The following ROCK1 variants were observed in gnomAD, a reference collection of about 807,000 sequenced individuals.
ROCK1 encodes rho-associated protein kinase 1.
ROCK1 carries 36 observed loss-of-function variants against 196.8 expected under a neutral mutation model. The observed-to-expected ratio is 0.18, with a 90% CI of 0.14 to 0.24. The LOEUF (loss-of-function observed/expected upper bound fraction) is 0.24, where lower values mean the gene tolerates loss of function less well. Ranked by LOEUF, ROCK1 falls within the 10% of genes least tolerant of loss-of-function variation. ROCK1 has a pLI of 1.00. For synonymous variants in ROCK1, 443 were observed against 515.9 expected (o/e 0.86, Z 1.91); for missense variants, 920 against 1,562.0 (o/e 0.59, Z 6.93).
intron 2 of ROCK1, among the ~76,000 whole-genome samples, chr18:21,054,640 T>C (rs1462135462): frequency 6.6e-6 from 1 of 152,184 alleles, no homozygotes; most frequent in African/African-American, 2.4e-5. Context: ...GGTCACCACG[T>C]CTCATCGCTA....
intron 9 of ROCK1, among the ~76,000 whole-genome samples, chr18:21,038,979 AG>A (rs1448803783): frequency 5.9e-5 from 9 of 152,224 alleles, no homozygotes; most frequent in African/African-American, 1.9e-4. Context: ...CTGAATTGCC[AG>A]CTGCAAAAGC....
At position 21,015,464 on chromosome 18, in the gene ROCK1, T is replaced by C; in HGVS notation, c.1377A>G (p.Lys459=). 1 of 1,561,468 alleles carries C rather than the reference T, an allele frequency of 6.4e-7. No homozygotes were observed. Among genetic ancestry groups the C allele is most frequent in the South Asian group, 1.1e-5 (1 of 88,524 alleles). ...MEQKCRTSNI[K]LDKIMKELDE... ...CCAATTCTTTCATTATCTTGTCTAG[T>C]TTTATGTTTGAGGTTCTGTAAAAAC... The change falls in exon 13 of 33, where the codon AAA becomes AAG. Residue 459 remains lysine, a synonymous_variant. Transcript: ENST00000399799.
Position 21,023,689 on chromosome 18 carries a change from A to C in ROCK1, c.1212-9T>G, listed in dbSNP as rs566348689. The C allele has an allele frequency of 2.6e-6, 4 of 1,532,748 alleles. No individual in the cohort carries two copies. In the African/African-American group the frequency reaches 5.6e-5, roughly 21 times the overall value. 94.9% of individuals were successfully genotyped at this position (1,532,748 alleles called of 1,614,324 possible). ...TTGCTGAAGATAAGTATCTGAGGGA[A>C]AGAAAAGTTTAAAAAGAAAAGAAAA... On this transcript the variant is annotated splice_polypyrimidine_tract_variant and intron_variant, in intron 10 of 32. Transcript: ENST00000399799.
At chr18:20,972,716 C>A (rs1285011465) in intron 22 of ROCK1, among the ~76,000 whole-genome samples, 2 of 152,122 alleles carry the variant, frequency 1.3e-5, no homozygotes, top group South Asian at 2.1e-4. Flanking sequence ...ATTAGGAAGA[C>A]CCCACTGACC....
intron 2 of ROCK1, among the ~76,000 whole-genome samples, chr18:21,058,961 A>AT (rs2041340376): frequency 6.6e-6 from 1 of 152,212 alleles, no homozygotes; most frequent in African/African-American, 2.4e-5. Context: ...TTTTGACTGC[A>AT]TAGGCACATA....
intron 9 of ROCK1, among the ~76,000 whole-genome samples, chr18:21,037,419 A>C (rs2036067094): frequency 6.6e-6 from 1 of 152,228 alleles, no homozygotes; most frequent in Admixed American, 6.5e-5. Flanking sequence ...ACCCAAAAAA[A>C]TTAAAAGGAA....
chr18:21,036,653 A>T (rs2036060071), intron 9 of ROCK1, among the ~76,000 whole-genome samples: 1 of 151,924 alleles, frequency 6.6e-6, no homozygotes, highest in Non-Finnish European at 1.5e-5. Context: ...TCGCAACATT[A>T]CCCAGGTTGG....
At chr18:21,092,476 C>T (rs1368417007) in intron 1 of ROCK1, among the ~76,000 whole-genome samples, 3 of 148,234 alleles carry the variant, frequency 2.0e-5, no homozygotes, top group Admixed American at 1.4e-4. Context: ...CCCAGCTACT[C>T]GGGAGGCTGA....
intron 22 of ROCK1, among the ~76,000 whole-genome samples, chr18:20,978,686 C>T (rs752296124): frequency 3.5e-4 from 53 of 152,082 alleles, no homozygotes; most frequent in Admixed American, 1.2e-3. Context: ...TCAATAAAAT[C>T]GCAACTGAGG....
intron 17 of ROCK1, 76 bp downstream of exon 17, chr18:20,992,750 CTATTT>C: frequency 1.3e-6 from 1 of 787,856 alleles, no homozygotes; most frequent in Non-Finnish European, 2.0e-6. Flanking sequence ...AGAATAAATG[CTATTT>C]TATAAAACCA....
At chr18:20,990,233 T>C (rs980796509) in intron 18 of ROCK1, among the ~76,000 whole-genome samples, 2 of 151,678 alleles carry the variant, frequency 1.3e-5, no homozygotes, top group Admixed American at 6.6e-5. Flanking sequence ...TACAAAGAAA[T>C]GAGAAAACTG....
chr18:21,027,005 C>G (rs2035963797), intron 10 of ROCK1, among the ~76,000 whole-genome samples: 1 of 147,102 alleles, frequency 6.8e-6, no homozygotes, highest in Non-Finnish European at 1.5e-5. Context: ...GTGGCGTGAT[C>G]TAGGCTCACT....
chr18:21,033,927 G>A (rs542535447), intron 9 of ROCK1, among the ~76,000 whole-genome samples: 142 of 143,038 alleles, frequency 9.9e-4, no homozygotes, highest in African/African-American at 3.6e-3. Flanking sequence ...CCAGCTACTC[G>A]GGAGGCTGAG....
intron 9 of ROCK1, among the ~76,000 whole-genome samples, 197 bp downstream of exon 9, chr18:21,039,275 C>T (rs1442585020): frequency 2.6e-5 from 4 of 151,956 alleles, no homozygotes; most frequent in African/African-American, 7.3e-5. Context: ...TCTGGGTATC[C>T]TGCGTGGGAC....
intron 1 of ROCK1, among the ~76,000 whole-genome samples, chr18:21,089,733 T>A (rs1401993690): frequency 1.1e-4 from 17 of 152,212 alleles, no homozygotes; most frequent in Non-Finnish European, 1.3e-4. Context: ...GCCTATTTTA[T>A]AACAAAGTGT....
chr18:20,984,652 T>C, intron 19 of ROCK1, 117 bp from the exon 20 acceptor site: 3 of 701,266 alleles, frequency 4.3e-6, no homozygotes, highest in Non-Finnish European at 6.8e-6. Context: ...GTAGAAAATA[T>C]TAGTATTTTA....
intron 22 of ROCK1, among the ~76,000 whole-genome samples, chr18:20,972,674 C>T (rs2035440328): frequency 6.6e-6 from 1 of 152,140 alleles, no homozygotes; most frequent in Non-Finnish European, 1.5e-5. Flanking sequence ...TCAAATCCTG[C>T]TATGAAATAA....
intron 1 of ROCK1, among the ~76,000 whole-genome samples, chr18:21,108,085 C>T (rs943964890): frequency 1.3e-5 from 2 of 151,740 alleles, no homozygotes; most frequent in African/African-American, 2.4e-5. Context: ...TCAGTCTTTA[C>T]CAAGTTCAGA....
In ROCK1 at chr18:21,076,037, A is replaced by G. The variant is rs571113178; in HGVS notation, c.94-5424T>C. Among the ~76,000 whole-genome samples the G allele has an allele frequency of 4.2e-4, 64 of 152,210 alleles. 2 individuals are homozygous for G. In the South Asian group the frequency reaches 0.013, roughly 32 times the overall value. The stretch of plus-strand genomic sequence containing the variant: ...ACACAGAGAAGAAAGACAGAATAGT[A>G]CCAAGGAAGCTGAGAAGGAACTTAA... On this transcript the variant is annotated intron_variant, in intron 1 of 32. Coordinates refer to ENST00000399799, the MANE Select transcript of ROCK1 (RefSeq NM_005406.3).
Sources: gnomAD v4.1 joint callset for allele counts (sites outside exome capture counted in the v4.1 genomes callset) on GRCh38, gnomAD v4.1.1 for gene constraint, MANE v1.5 for transcripts, NCBI Gene and HGNC (gene_info 2026-07-23, HGNC 2026-07-21) for gene names.